Variants in LDLRAD4 observed in about 807,000 individuals in gnomAD.
The protein encoded by LDLRAD4 is low-density lipoprotein receptor class A domain-containing protein 4.
A neutral mutation model predicts 17.0 loss-of-function variants in LDLRAD4; 5 were observed. The ratio of observed to expected loss-of-function variants is 0.29; its 90% CI spans 0.15 to 0.62. The LOEUF (loss-of-function observed/expected upper bound fraction) is 0.62, where lower values mean the gene tolerates loss of function less well. Ranked by LOEUF, LDLRAD4 falls within the 20% of genes least tolerant of loss-of-function variation. The pLI is 0.84. For missense variants in LDLRAD4, 340 were observed against 424.7 expected, an observed-to-expected ratio of 0.80 and a Z score of 1.75; for synonymous variants, 168 against 171.8, an observed-to-expected ratio of 0.98 and a Z score of 0.17.
intron 1 of LDLRAD4, among the ~76,000 whole-genome samples, chr18:13,230,360 GA>G (rs2042011049): frequency 6.6e-6 from 1 of 152,190 alleles, no homozygotes; most frequent in Non-Finnish European, 1.5e-5. Flanking sequence ...CAAAAGAACA[GA>G]TTTTTTTTTA....
chr18:13,564,900 C>G (rs1295888091), intron 3 of LDLRAD4: 1 of 152,268 alleles, frequency 6.6e-6, no homozygotes, highest in Non-Finnish European at 1.5e-5. Context: ...TCCATACCTC[C>G]TGCCTCCCCA....
At chr18:13,247,885 C>T (rs528655426) in intron 1 of LDLRAD4, among the ~76,000 whole-genome samples, 46 of 151,682 alleles carry the variant, frequency 3.0e-4, no homozygotes, top group African/African-American at 1.1e-3. Context: ...TCATGATGTC[C>T]AGTTGAGATT....
chr18:13,506,549 C>A (rs1222589035), intron 3 of LDLRAD4, among the ~76,000 whole-genome samples: 1 of 152,188 alleles, frequency 6.6e-6, no homozygotes, highest in East Asian at 1.9e-4. Flanking sequence ...ACCAACACAG[C>A]TACATACTTT....
intron 1 of LDLRAD4, among the ~76,000 whole-genome samples, chr18:13,354,326 A>C (rs2083213970): frequency 6.6e-6 from 1 of 152,250 alleles, no homozygotes; most frequent in South Asian, 2.1e-4. Flanking sequence ...GGAAGTTCTT[A>C]CGGTGTTGAT....
intron 3 of LDLRAD4, among the ~76,000 whole-genome samples, chr18:13,581,051 C>T (rs958045266): frequency 1.3e-5 from 2 of 152,166 alleles, no homozygotes; most frequent in Admixed American, 6.5e-5. Flanking sequence ...TTTGCATATA[C>T]AGAATGAGAT....
At chr18:13,421,696 C>T (rs946351519) in intron 2 of LDLRAD4, among the ~76,000 whole-genome samples, 8 of 152,152 alleles carry the variant, frequency 5.3e-5, no homozygotes, top group African/African-American at 7.2e-5. Flanking sequence ...GTTCCCCCTG[C>T]CCCCCACCCA....
intron 3 of LDLRAD4, among the ~76,000 whole-genome samples, chr18:13,539,392 G>A (rs1286422515): frequency 3.3e-5 from 5 of 152,206 alleles, no homozygotes; most frequent in Non-Finnish European, 5.9e-5. Context: ...CATAGAAAAA[G>A]AGCTGTTCAA....
chr18:13,268,768 A>T (rs1266872757), intron 1 of LDLRAD4, among the ~76,000 whole-genome samples: 1 of 152,252 alleles, frequency 6.6e-6, no homozygotes, highest in African/African-American at 2.4e-5. Flanking sequence ...TAAATGCCTT[A>T]AAATAACTAA....
chr18:13,294,482 C>T (rs1295384399), intron 1 of LDLRAD4, among the ~76,000 whole-genome samples: 1 of 152,220 alleles, frequency 6.6e-6, no homozygotes, highest in African/African-American at 2.4e-5. Context: ...GAGTGAGTTA[C>T]GTCTTTTCTT....
At chr18:13,546,207 G>C (rs376935140) in intron 3 of LDLRAD4, among the ~76,000 whole-genome samples, 1 of 152,120 alleles carries the variant, frequency 6.6e-6, no homozygotes, top group African/African-American at 2.4e-5. Flanking sequence ...CCCAATGGCT[G>C]TCACTCATCA....
intron 1 of LDLRAD4, among the ~76,000 whole-genome samples, chr18:13,295,483 C>T (rs1305111355): frequency 6.6e-6 from 1 of 152,182 alleles, no homozygotes; most frequent in African/African-American, 2.4e-5. Context: ...TCAGCTGCAT[C>T]GTGCATGTCA....
At chr18:13,450,336 C>A (rs73956413) in intron 3 of LDLRAD4, among the ~76,000 whole-genome samples, 8 of 119,770 alleles carry the variant, frequency 6.7e-5, no homozygotes, top group African/African-American at 1.7e-4. Flanking sequence ...ACCCCCCCCC[C>A]CAAAAAAACA....
intron 3 of LDLRAD4, among the ~76,000 whole-genome samples, chr18:13,473,636 CATATA>C: frequency 3.5e-5 from 1 of 28,780 alleles, no homozygotes; most frequent in East Asian, 8.4e-4. Context: ...GATCCCATCT[CATATA>C]TATATATATA....
Position 13,643,344 on chromosome 18 carries a change from C to A in LDLRAD4, c.337-15C>A. 1 of 1,472,814 alleles carries A rather than the reference C, an allele frequency of 6.8e-7. No homozygotes were observed. Among genetic ancestry groups the A allele is most frequent in the Non-Finnish European group, 9.0e-7 (1 of 1,105,314 alleles). The allele number at this position is 1,472,814 out of a possible 1,614,324, so 91.2% of individuals were successfully genotyped here. A position where few individuals can be genotyped will look rare whatever the true frequency, so the allele number is the denominator to read the frequency against. On this transcript the variant is annotated splice_polypyrimidine_tract_variant and intron_variant, in intron 4 of 5. Coordinates refer to ENST00000359446, the Ensembl canonical transcript of LDLRAD4. ...TTCTTGTTCCCCCCACTCTCCTCCC[C>A]TTCCCCTCCGCCAGGAAGGGTGCCT...
chr18:13,496,892 G>T (rs1477604956), intron 3 of LDLRAD4, among the ~76,000 whole-genome samples: 12 of 152,212 alleles, frequency 7.9e-5, no homozygotes, highest in Admixed American at 7.2e-4. Flanking sequence ...CACCCCAGTG[G>T]ACTTGAAGAC....
chr18:13,325,822 G>A (rs1044381421), intron 1 of LDLRAD4, among the ~76,000 whole-genome samples: 11 of 151,488 alleles, frequency 7.3e-5, no homozygotes, highest in Admixed American at 3.9e-4. Context: ...GCGCAATCTC[G>A]GCTCATTGCA....
chr18:13,339,945 T>C (rs919424424), intron 1 of LDLRAD4, among the ~76,000 whole-genome samples: 13 of 152,186 alleles, frequency 8.5e-5, no homozygotes, highest in Admixed American at 3.3e-4. Flanking sequence ...TAAGCCCTGA[T>C]TTTGCCCCCT....
intron 1 of LDLRAD4, among the ~76,000 whole-genome samples, chr18:13,347,294 T>C (rs2082751074): frequency 6.6e-6 from 1 of 152,244 alleles, no homozygotes; most frequent in Non-Finnish European, 1.5e-5. Context: ...CAGCATTTGC[T>C]TGTCTGTAAA....
At chr18:13,479,036 A>G (rs1222708053) in intron 3 of LDLRAD4, among the ~76,000 whole-genome samples, 3 of 152,378 alleles carry the variant, frequency 2.0e-5, no homozygotes, top group South Asian at 2.1e-4. Context: ...TTATCTTTTC[A>G]ACAAATGGTA....
Sources: allele counts gnomAD v4.1 joint callset (sites outside exome capture counted in the v4.1 genomes callset), GRCh38; gene constraint gnomAD v4.1.1; transcripts MANE v1.5; gene names NCBI Gene and HGNC (gene_info 2026-07-23, HGNC 2026-07-21).